DALRD3: variants seen among roughly 807,000 people sequenced by gnomAD.
The protein encoded by DALRD3 is DALR anticodon-binding domain-containing protein 3.
In DALRD3, 47 loss-of-function variants were observed where a neutral mutation model predicts 56.7. The ratio of observed to expected loss-of-function variants is 0.83; its 90% CI spans 0.66 to 1.06. DALRD3 has a LOEUF of 1.06. Ranked by LOEUF, DALRD3 falls within the 50% of genes least tolerant of loss-of-function variation. The pLI is 0.00. For missense variants in DALRD3, 787 were observed against 724.0 expected, an observed-to-expected ratio of 1.09 and a Z score of -1.00; for synonymous variants, 347 against 308.5, an observed-to-expected ratio of 1.12 and a Z score of -1.31.
chr3:49,017,951 G>C, intron 2 of DALRD3, 72 bp downstream of exon 2: 1 of 1,509,332 alleles, frequency 6.6e-7, no homozygotes, highest in Non-Finnish European at 8.8e-7. Context: ...CAGTCCCCAC[G>C]GGCGGCGCCG....
Position 49,017,790 on chromosome 3 carries a change from C to G in DALRD3, c.541G>C (p.Ala181Pro), listed in dbSNP as rs1354555061. Residue 181 changes from alanine (A) to proline (P), a missense_variant, in exon 3 of 12, where the codon GCT becomes CCT. Physicochemically the swap from Ala to Pro is conservative, Grantham distance 27. Coordinates refer to ENST00000341949, the MANE Select transcript of DALRD3 (RefSeq NM_001009996.3). ...TGGGAGGAAGCTCTCTCCGAGGCAG[C>G]GGGCCAGTCCACCCGCAGTTGCTGC... is the stretch of plus-strand genomic sequence containing the variant. Reference protein sequence around the residue: ...FLQQLRVDWPAASERASSHTL... With the variant: ...FLQQLRVDWPPASERASSHTL... The G allele has an allele frequency of 1.2e-6, 2 of 1,613,296 alleles. No individual in the cohort carries two copies. The highest frequency in any genetic ancestry group is 1.7e-6 in the Non-Finnish European group (2 of 1,179,998).
intron 2 of DALRD3, 43 bp from the exon 3 acceptor site, chr3:49,017,912 A>C (rs1463126382): frequency 9.6e-6 from 15 of 1,564,612 alleles, no homozygotes; most frequent in Non-Finnish European, 1.3e-5. Flanking sequence ...CACCTGGTCC[A>C]GCTCGCCACG....
rs773928492 is a variant in DALRD3 at position 49,018,011 on chromosome 3, G to C, written c.461+12C>G. 1.3e-4 allele frequency: 193 copies of C among 1,479,686 alleles called. No homozygotes were observed. The highest frequency in any genetic ancestry group is 1.6e-4 in the Non-Finnish European group (181 of 1,123,058). 91.7% of individuals were successfully genotyped at this position (1,479,686 alleles called of 1,614,324 possible). A position where few individuals can be genotyped will look rare whatever the true frequency, so the allele number is the denominator to read the frequency against. On this transcript the variant is annotated intron_variant, in intron 2 of 11. Coordinates refer to ENST00000341949, the MANE Select transcript of DALRD3 (RefSeq NM_001009996.3). ...CCCACTTTCTCCATTCCGGCCCCGC[G>C]GCCCCGCTCACCCGTGAGCGCGCAG...
Position 49,018,183 on chromosome 3 carries a change from C to G in DALRD3, c.301G>C (p.Ala101Pro). 6.9e-7 allele frequency: 1 copy of G among 1,448,994 alleles called. No individual in the cohort carries two copies. The highest frequency in any genetic ancestry group is 9.0e-7 in the Non-Finnish European group (1 of 1,112,872). 89.8% of individuals were successfully genotyped at this position (1,448,994 alleles called of 1,614,324 possible). A position where few individuals can be genotyped will look rare whatever the true frequency, so the allele number is the denominator to read the frequency against. Residue 101 changes from alanine (A) to proline (P), a missense_variant, in exon 2 of 12, where the codon GCC becomes CCC. Ala to Pro is a conservative substitution (Grantham distance 27). Transcript: ENST00000341949. ...GCGGGCGTGGCATAGGCGGCCACGG[C>G]GCTGAGGACGCGCTCGAAGACGGCG... ...RSAVFERVLS[A>P]VAAYATPASP...
chr3:49,020,106 G>A (rs374417647), upstream of DALRD3: 24 of 532,914 alleles, frequency 4.5e-5, no homozygotes, highest in African/African-American at 4.6e-4. Flanking sequence ...GCTTGGCAAG[G>A]CCCCTTTCTG....
rs1412056477 is a variant in DALRD3 at position 49,015,641 on chromosome 3, C to T, written c.1579G>A (p.Val527Met). The change falls in exon 12 of 12, where the codon GTG becomes ATG. Residue 527 changes from valine to methionine, a missense_variant. By Grantham distance (21) the Val-to-Met change is conservative. Transcript: ENST00000341949. ...AGCATAGCCAGGCCAGTATGGAGCACCTCACGCACAGCTCTCAGAAGCTGC... is the reference window on the plus strand; with the variant it reads ...AGCATAGCCAGGCCAGTATGGAGCATCTCACGCACAGCTCTCAGAAGCTGC... ...RLQLLRAVRE[V>M]LHTGLAMLGL... 1.2e-6 allele frequency: 2 copies of T among 1,613,996 alleles called. No homozygotes were observed. Among genetic ancestry groups the T allele is most frequent in the Non-Finnish European group, 1.7e-6 (2 of 1,180,028 alleles).
Position 49,015,821 on chromosome 3 carries a change from G to C in DALRD3, c.1495C>G (p.Arg499Gly). The C allele has an allele frequency of 6.2e-7, 1 of 1,614,184 alleles. No homozygotes were observed. Among genetic ancestry groups the C allele is most frequent in the Non-Finnish European group, 8.5e-7 (1 of 1,180,042 alleles). The change falls in exon 11 of 12, where the codon CGG becomes GGG. Residue 499 changes from arginine (R) to glycine (G), a missense_variant. Arg to Gly is a moderately radical substitution (Grantham distance 125, BLOSUM62 -2). Coordinates refer to ENST00000341949, the MANE Select transcript of DALRD3 (RefSeq NM_001009996.3). The stretch of plus-strand genomic sequence containing the variant: ...GTGCTCACCCCCAGGATGTGTACCC[G>C]GTTGTAGTAGGAGCTGAAATCCATG... ...LSMDFSSYYN[R>G]VHILGEPRPH...
chr3:49,018,928 T>G, upstream of DALRD3: 1 of 985,462 alleles, frequency 1.0e-6, no homozygotes, highest in Non-Finnish European at 1.2e-6. Context: ...TTCTCCCATT[T>G]TACACATGAT....
At position 49,018,467 on chromosome 3, in the gene DALRD3, C is replaced by A; in HGVS notation, c.98G>T (p.Arg33Leu). The A allele has an allele frequency of 6.3e-7, 1 of 1,588,222 alleles. No individual in the cohort carries two copies. Among genetic ancestry groups the A allele is most frequent in the Non-Finnish European group, 8.6e-7 (1 of 1,167,688 alleles). Residue 33 changes from arginine (R) to leucine (L), a missense_variant, in exon 1 of 12, where the codon CGC becomes CTC. Physicochemically the swap from Arg to Leu is moderately radical, Grantham distance 102 (BLOSUM62 -2). Transcript: ENST00000341949. The part of the protein sequence containing the change: ...GPVWIKETRT[R>L]HLRSRDFLAP... ...CAGAAAGTCTCGGGAACGCAGGTGG[C>A]GGGTGCGCGTCTCCTTGATCCACAC...
upstream of DALRD3, chr3:49,018,673 C>G (rs981670689): frequency 2.1e-6 from 3 of 1,428,190 alleles, no homozygotes; most frequent in African/African-American, 4.4e-5. Flanking sequence ...CGTAAGTGGA[C>G]AGGTGCGCCA....
At position 49,016,604 on chromosome 3, in the gene DALRD3, A is replaced by T. The variant is rs1185622043; in HGVS notation, c.1063+8T>A. On this transcript the variant is annotated splice_region_variant and intron_variant, in intron 7 of 11. Coordinates refer to ENST00000341949, the MANE Select transcript of DALRD3 (RefSeq NM_001009996.3). Reference sequence around the variant, plus strand: ...ACCCAGAACATAGCCAGGGTTTCCCAGGCACACCTTGTGCCAGATCCCCAC... The same window carrying T: ...ACCCAGAACATAGCCAGGGTTTCCCTGGCACACCTTGTGCCAGATCCCCAC... The T allele has an allele frequency of 2.5e-6, 4 of 1,584,090 alleles. No homozygotes were observed. Among genetic ancestry groups the T allele is most frequent in the Non-Finnish European group, 3.4e-6 (4 of 1,164,240 alleles).
rs1426466415 is a variant in DALRD3 at position 49,018,338 on chromosome 3, T to C, written c.166-20A>G. 4 of 1,493,660 alleles carry C rather than the reference T, an allele frequency of 2.7e-6. No individual in the cohort carries two copies. Among genetic ancestry groups the C allele is most frequent in the Non-Finnish European group, 3.5e-6 (4 of 1,128,336 alleles). The allele number at this position is 1,493,660 out of a possible 1,614,324, so 92.5% of individuals were successfully genotyped here. On this transcript the variant is annotated intron_variant, in intron 1 of 11. Coordinates refer to ENST00000341949, the MANE Select transcript of DALRD3 (RefSeq NM_001009996.3). ...CGGAACCTGCGGGAGAACGGGCGTG[T>C]AAAAGAGCCACGGCACGGGGCCCAT...
At chr3:49,018,724 C>T (rs910873522), upstream of DALRD3, 4 of 1,396,226 alleles carry the variant, frequency 2.9e-6, no homozygotes, top group South Asian at 1.6e-5. Context: ...CCGCCCCCAG[C>T]GCCCCTTCCG....
At chr3:49,018,682 C>G (rs1426251323), upstream of DALRD3, 6 of 1,423,162 alleles carry the variant, frequency 4.2e-6, no homozygotes, top group Admixed American at 8.9e-5. Context: ...ACAGGTGCGC[C>G]AGTGGTAGCC....
intron 5 of DALRD3, 105 bp downstream of exon 5, chr3:49,017,123 C>T (rs1176210826): frequency 6.6e-7 from 1 of 1,520,400 alleles, no homozygotes; most frequent in Non-Finnish European, 9.0e-7. Flanking sequence ...CCCCCAAGGT[C>T]AAGTGTTGGT....
chr3:49,017,614 C>T lies in DALRD3; in HGVS notation c.717G>A (p.Leu239=). The T allele has an allele frequency of 6.2e-7, 1 of 1,614,178 alleles. No homozygotes were observed. Among genetic ancestry groups the T allele is most frequent in the Non-Finnish European group, 8.5e-7 (1 of 1,180,016 alleles). The stretch of plus-strand genomic sequence containing the variant: ...GCCCTGCTAGGCTTCAGGTCCTACC[C>T]AGACAGTTGTCCAGGTTGGGGTCAT... The part of the protein sequence containing the change: ...AGYDPNLDNC[L]VTEDLLSVLA... Residue 239 remains leucine (L), a splice_region_variant and synonymous_variant, in exon 3 of 12, where the codon CTG becomes CTA. Coordinates refer to ENST00000341949, the MANE Select transcript of DALRD3 (RefSeq NM_001009996.3).
rs373082696 is a variant in DALRD3, at chr3:49,018,513, C to T, written c.52G>A (p.Ala18Thr). The T allele has an allele frequency of 2.5e-6, 4 of 1,585,168 alleles. No homozygotes were observed. Among genetic ancestry groups the T allele is most frequent in the African/African-American group, 2.7e-5 (2 of 74,288 alleles). The change falls in exon 1 of 12, where the codon GCC becomes ACC. Residue 18 changes from alanine (A) to threonine (T), a missense_variant. By Grantham distance (58) the Ala-to-Thr change is moderately conservative. Transcript: ENST00000341949. ...CACACCGGACCGCCTGGCCCCAGGGCCGCGTTGAGGGCCCCCAGCGTCTCC... is the reference window on the plus strand; with the variant it reads ...CACACCGGACCGCCTGGCCCCAGGGTCGCGTTGAGGGCCCCCAGCGTCTCC... ...VGETLGALNAALGPGGPVWIK... is the reference protein window; with the variant it reads ...VGETLGALNATLGPGGPVWIK...
At chr3:49,020,144 C>G (rs1250721195), upstream of DALRD3, 1 of 534,470 alleles carries the variant, frequency 1.9e-6, no homozygotes, top group Non-Finnish European at 3.8e-6. Context: ...TGCTGGGAGG[C>G]GCCGAAAGAG....
upstream of DALRD3, among the ~76,000 whole-genome samples, chr3:49,019,479 CTTT>C (rs938684705): frequency 7.4e-6 from 1 of 134,588 alleles, no homozygotes; most frequent in Non-Finnish European, 1.6e-5. Context: ...AATTACCAGA[CTTT>C]TTTTTTTTTT....
Sources: allele counts gnomAD v4.1 joint callset (sites outside exome capture counted in the v4.1 genomes callset), GRCh38; gene constraint gnomAD v4.1.1; transcripts MANE v1.5; gene names NCBI Gene and HGNC (gene_info 2026-07-23, HGNC 2026-07-21).